The following TYW1B variants were observed in gnomAD, a reference collection of about 807,000 sequenced individuals.
The protein encoded by TYW1B is tRNA-yW synthesizing protein 1 homolog B, also known as S-adenosyl-L-methionine-dependent tRNA 4-demethylwyosine synthase TYW1B.
Under a neutral mutation model 86.9 loss-of-function variants are expected in TYW1B, and 73 were observed. The observed-to-expected ratio is 0.84, with a 90% CI of 0.70 to 1.02. TYW1B has a LOEUF of 1.02. TYW1B is among the 50% of genes least tolerant of loss of function. The probability of loss-of-function intolerance (pLI) is 0.00; values close to 1 mark genes in which losing one functional copy is unlikely to be tolerated. For synonymous variants in TYW1B, 248 were observed against 292.8 expected (o/e 0.85, Z 1.56); for missense variants, 637 against 827.4 (o/e 0.77, Z 2.82).
intron 11 of TYW1B, among the ~76,000 whole-genome samples, chr7:72,692,559 T>C (rs1554450536): frequency 6.6e-6 from 1 of 152,016 alleles, no homozygotes; most frequent in Non-Finnish European, 1.5e-5. Flanking sequence ...AAGTGTACTA[T>C]GCTAGACATT....
chr7:72,671,594 T>C (rs1813602247), intron 11 of TYW1B, among the ~76,000 whole-genome samples: 1 of 152,212 alleles, frequency 6.6e-6, no homozygotes, highest in African/African-American at 2.4e-5. Context: ...ACCAGGTGTA[T>C]GAGAGTACTT....
intron 13 of TYW1B, among the ~76,000 whole-genome samples, chr7:72,611,866 C>T (rs1426909551): frequency 3.9e-5 from 6 of 152,162 alleles, no homozygotes; most frequent in African/African-American, 1.4e-4. Context: ...GATTTTCAGT[C>T]GTTTTCCCCA....
At chr7:72,674,568 C>T (rs1813690845) in intron 11 of TYW1B, among the ~76,000 whole-genome samples, 1 of 151,948 alleles carries the variant, frequency 6.6e-6, no homozygotes, top group Non-Finnish European at 1.5e-5. Context: ...TGCTCAGCCA[C>T]GCAGACCAAG....
intron 11 of TYW1B, among the ~76,000 whole-genome samples, 195 bp from the exon 12 acceptor site, chr7:72,629,192 A>C (rs1554439477): frequency 6.6e-6 from 1 of 152,238 alleles, no homozygotes; most frequent in Non-Finnish European, 1.5e-5. Context: ...GCCTTATGGA[A>C]GGCACATGAG....
intron 7 of TYW1B, among the ~76,000 whole-genome samples, chr7:72,745,594 A>G (rs1787379561): frequency 6.6e-6 from 1 of 151,972 alleles, no homozygotes; most frequent in Non-Finnish European, 1.5e-5. Context: ...TTTCAGTACA[A>G]GTGAAAGCAG....
At chr7:72,797,696 G>A (rs1788327496) in intron 6 of TYW1B, among the ~76,000 whole-genome samples, 1 of 152,190 alleles carries the variant, frequency 6.6e-6, no homozygotes, top group South Asian at 2.1e-4. Context: ...CAGTCTGGAT[G>A]AAGGAGTGAG....
Position 72,665,536 on chromosome 7 carries a change from T to C in TYW1B, c.1506+29151A>G, listed in dbSNP as rs140833223. Among the ~76,000 whole-genome samples, 636 of 152,330 alleles carry C rather than the reference T, an allele frequency of 4.2e-3. 4 individuals are homozygous for C. The highest frequency in any genetic ancestry group is 0.02 in the Middle Eastern group (6 of 294). On this transcript the variant is annotated intron_variant, in intron 11 of 13. Coordinates refer to ENST00000620995, the MANE Select transcript of TYW1B (RefSeq NM_001145440.3). ...TTCATGTTTGGTCCAATTCTGAATATTGTTATATAATATTCTTATTTTCAC... is the reference window on the plus strand; with the variant it reads ...TTCATGTTTGGTCCAATTCTGAATACTGTTATATAATATTCTTATTTTCAC...
intron 6 of TYW1B, among the ~76,000 whole-genome samples, chr7:72,777,943 TA>T (rs549494396): frequency 4.2e-3 from 643 of 152,176 alleles, no homozygotes; most frequent in Non-Finnish European, 7.3e-3. Flanking sequence ...AAATAATTTT[TA>T]AAAATTGTTT....
chr7:72,744,376 A>G, intron 8 of TYW1B, 108 bp downstream of exon 8: 1 of 1,204,372 alleles, frequency 8.3e-7, no homozygotes, highest in Non-Finnish European at 1.2e-6. Context: ...GAAAAAGATT[A>G]ATCACCAAGA....
chr7:72,796,314 G>A (rs1326219218), intron 6 of TYW1B, among the ~76,000 whole-genome samples: 3 of 80,140 alleles, frequency 3.7e-5, no homozygotes, highest in African/African-American at 1.3e-4. Context: ...CGCAATCTCA[G>A]CTCACTGCAA....
chr7:72,732,751 AAAT>A (rs1563075507), intron 8 of TYW1B, among the ~76,000 whole-genome samples: 1 of 152,120 alleles, frequency 6.6e-6, no homozygotes, highest in Non-Finnish European at 1.5e-5. Context: ...GAACAGAAAA[AAAT>A]AATAATCAGA....
At chr7:72,717,263 T>C (rs1471335279) in intron 9 of TYW1B, among the ~76,000 whole-genome samples, 1 of 150,162 alleles carries the variant, frequency 6.7e-6, no homozygotes, top group Non-Finnish European at 1.5e-5. Context: ...ACTGCGCCAC[T>C]GCCCTCTAGC....
At position 72,595,405 on chromosome 7, in the gene TYW1B, A is replaced by T. The variant is rs142858723; in HGVS notation, c.1786-19686T>A. On this transcript the variant is annotated intron_variant, in intron 13 of 13. Transcript: ENST00000620995. ...CAGGTTCATCAACAATAGCCACCAT[A>T]GTGAGTGGTGGCTCATGCCTGTAAT... Among the ~76,000 whole-genome samples, 504 of 152,278 alleles carry T rather than the reference A, an allele frequency of 3.3e-3. 6 individuals are homozygous for T. Among genetic ancestry groups the T allele is most frequent in the African/African-American group, 0.011 (465 of 41,554 alleles).
intron 6 of TYW1B, among the ~76,000 whole-genome samples, chr7:72,782,981 A>G (rs1554471876): frequency 6.6e-6 from 1 of 152,244 alleles, no homozygotes; most frequent in Admixed American, 6.5e-5. Flanking sequence ...CAGGATGGGC[A>G]TTCGGTAAAT....
Position 72,731,770 on chromosome 7 carries a change from C to T in TYW1B, c.1083-2839G>A, listed in dbSNP as rs189885534. On this transcript the variant is annotated intron_variant, in intron 8 of 13. Coordinates refer to ENST00000620995, the MANE Select transcript of TYW1B (RefSeq NM_001145440.3). ...CAGCCTGGCCAACACGGTGAAACCA[C>T]GTCTCTACTAAAAATACAAAAATTA... Among the ~76,000 whole-genome samples, 45 of 151,984 alleles carry T rather than the reference C, an allele frequency of 3.0e-4. No individual in the cohort carries two copies. In the East Asian group the frequency reaches 6.2e-3, roughly 21 times the overall value.
At chr7:72,698,333 T>C (rs1270744576) in intron 10 of TYW1B, among the ~76,000 whole-genome samples, 9 of 152,060 alleles carry the variant, frequency 5.9e-5, no homozygotes, top group Admixed American at 2.0e-4. Context: ...TTAAGTAACA[T>C]GTGCAAGGAT....
chr7:72,732,031 A>G (rs66954605), intron 8 of TYW1B, among the ~76,000 whole-genome samples: 119,810 of 152,128 alleles, frequency 0.79, 47,395 homozygotes, highest in Non-Finnish European at 0.8. Flanking sequence ...ACTGTAAAAC[A>G]ACACCAAGGA....
intron 13 of TYW1B, among the ~76,000 whole-genome samples, chr7:72,611,200 A>G (rs1345757784): frequency 6.6e-6 from 1 of 152,180 alleles, no homozygotes; most frequent in African/African-American, 2.4e-5. Context: ...TAGTCCTCAG[A>G]ATGCACCCAT....
chr7:72,662,894 T>C (rs1295221392), intron 11 of TYW1B, among the ~76,000 whole-genome samples: 4 of 152,194 alleles, frequency 2.6e-5, no homozygotes, highest in African/African-American at 7.2e-5. Flanking sequence ...GGTTTTCAAA[T>C]GTCAACTTGA....
Sources: allele counts gnomAD v4.1 joint callset (sites outside exome capture counted in the v4.1 genomes callset), GRCh38; gene constraint gnomAD v4.1.1; transcripts MANE v1.5; gene names NCBI Gene and HGNC (gene_info 2026-07-23, HGNC 2026-07-21).